ZFP64: variants seen among roughly 807,000 people sequenced by gnomAD.
The protein encoded by ZFP64 is ZFP64 zinc finger protein.
A neutral mutation model predicts 51.6 loss-of-function variants in ZFP64; 14 were observed. That is an observed-to-expected ratio of 0.27 (90% CI 0.18 to 0.42). The LOEUF is 0.42. ZFP64 is among the 10% of genes least tolerant of loss of function. The probability of loss-of-function intolerance (pLI) is 1.00; values close to 1 mark genes in which losing one functional copy is unlikely to be tolerated. For missense variants in ZFP64, 754 were observed against 906.8 expected (o/e 0.83, Z 2.16); for synonymous variants, 375 against 361.4 (o/e 1.04, Z -0.43).
At chr20:52,180,327 G>C (rs531463027) in intron 2 of ZFP64, among the ~76,000 whole-genome samples, 5 of 152,218 alleles carry the variant, frequency 3.3e-5, no homozygotes, top group Admixed American at 3.3e-4. Flanking sequence ...TTCTCTAATT[G>C]ACTTCTTAAT....
chr20:52,187,101 T>C, intron 1 of ZFP64, 30 bp from the exon 2 acceptor site: 2 of 1,585,674 alleles, frequency 1.3e-6, no homozygotes, highest in South Asian at 2.2e-5. Context: ...AGTAACGGAT[T>C]AATTCCAAAC....
intron 5 of ZFP64, chr20:52,105,608 G>C (rs1339106863): frequency 1.2e-5 from 2 of 171,862 alleles, no homozygotes; most frequent in Non-Finnish European, 2.5e-5. Context: ...GAGATCCCCA[G>C]GTGATTCGTT....
At position 52,085,040 on chromosome 20, in the gene ZFP64, G is replaced by C; in HGVS notation, c.1455C>G (p.His485Gln). The change falls in exon 9 of 9, where the codon CAC becomes CAG. Residue 485 changes from histidine to glutamine, a missense_variant. Transcript: ENST00000361387. The surrounding 1 kb of genome is among the most constrained non-coding windows in gnomAD (Gnocchi z 4.3). ...GGTGGTCGGCCTGGTGCAGCCGGCT[G>C]TGCTCCAGGAGGTCAGCCCGGTCCC... The C allele has an allele frequency of 6.2e-7, 1 of 1,614,146 alleles. No individual in the cohort carries two copies. The highest frequency in any genetic ancestry group is 8.5e-7 in the Non-Finnish European group (1 of 1,180,002).
chr20:52,086,321 G>A (rs919977327), intron 8 of ZFP64, among the ~76,000 whole-genome samples: 2 of 152,072 alleles, frequency 1.3e-5, no homozygotes, highest in African/African-American at 2.4e-5. Flanking sequence ...AGTGGATGGC[G>A]TAACCACCCA....
downstream of ZFP64, among the ~76,000 whole-genome samples, chr20:52,150,559 A>C (rs1302009556): frequency 2.0e-5 from 3 of 152,038 alleles, no homozygotes; most frequent in African/African-American, 7.2e-5. Flanking sequence ...CCAAAAACAT[A>C]GTTAATAACT....
chr20:52,089,195 C>A, intron 7 of ZFP64: 1 of 287,374 alleles, frequency 3.5e-6, no homozygotes, highest in Admixed American at 4.8e-5. Flanking sequence ...CCCTTCCAGG[C>A]TGATCATATC....
At chr20:52,097,362 T>G (rs1302229923) in intron 7 of ZFP64, 2 of 1,612,250 alleles carry the variant, frequency 1.2e-6, no homozygotes, top group Admixed American at 1.7e-5. Flanking sequence ...TTGAACAGAA[T>G]GGATACCTAC....
chr20:52,172,933 T>C (rs1982873876), intron 2 of ZFP64, among the ~76,000 whole-genome samples: 1 of 152,214 alleles, frequency 6.6e-6, no homozygotes, highest in African/African-American at 2.4e-5. Context: ...TTATTGTATT[T>C]AGTTCTGGTT....
rs558056342 is a variant in ZFP64, at chr20:52,120,473, G to A, written c.764-21886C>T. On this transcript the variant is annotated intron_variant, in intron 5 of 8. Coordinates refer to the ZFP64 transcript ENST00000361387. ...CCATGTGCGTATACGCCACTTTATC[G>A]CACGTCACAGACACTGTGTGTTTTT... Among the ~76,000 whole-genome samples the A allele has an allele frequency of 5.9e-5, 9 of 152,152 alleles. No homozygotes were observed. In the South Asian group the frequency reaches 8.3e-4, roughly 14 times the overall value.
chr20:52,141,425 C>T (rs1450621337), intron 5 of ZFP64, among the ~76,000 whole-genome samples: 2 of 152,082 alleles, frequency 1.3e-5, no homozygotes, highest in African/African-American at 4.8e-5. Context: ...GAAGATCATT[C>T]ATGATTCTTG....
At chr20:52,124,171 T>G (rs903921318) in intron 5 of ZFP64, among the ~76,000 whole-genome samples, 2 of 141,422 alleles carry the variant, frequency 1.4e-5, no homozygotes, top group African/African-American at 5.2e-5. Flanking sequence ...GAATTCTGAT[T>G]GAAAGATACA....
chr20:52,185,275 C>T (rs1247461788), intron 2 of ZFP64, among the ~76,000 whole-genome samples: 3 of 151,928 alleles, frequency 2.0e-5, no homozygotes, highest in African/African-American at 4.8e-5. Context: ...CCACCCGCCT[C>T]GGCCTCCGAA....
intron 5 of ZFP64, among the ~76,000 whole-genome samples, chr20:52,159,866 T>C (rs558497768): frequency 1.3e-5 from 2 of 152,272 alleles, no homozygotes; most frequent in African/African-American, 4.8e-5. Context: ...AACATGCTTC[T>C]TGGGAGGCTG....
chr20:52,188,601 G>C (rs894302033), intron 1 of ZFP64, among the ~76,000 whole-genome samples: 1 of 149,820 alleles, frequency 6.7e-6, no homozygotes, highest in Non-Finnish European at 1.5e-5. Context: ...ACAGGAGTGA[G>C]CCACCGCACC....
Position 52,127,217 on chromosome 20 carries a change from TG to T in ZFP64, c.764-28631del, listed in dbSNP as rs1979489196. 2.0e-5 allele frequency among the ~76,000 whole-genome samples: 3 copies of T among 152,166 alleles called. No individual in the cohort carries two copies. In the South Asian group the frequency reaches 6.2e-4, roughly 32 times the overall value. On this transcript the variant is annotated intron_variant, in intron 5 of 8. Transcript: ENST00000361387. ...CGCCGGCCTCGGCCTCCCAAAGTGC[TG>T]GGATTACAGTTGTGAGCCACCACGC...
chr20:52,090,032 C>G lies in ZFP64; in HGVS notation c.977-1389G>C, dbSNP rs573148376. On this transcript the variant is annotated intron_variant, in intron 7 of 8. Coordinates refer to the ZFP64 transcript ENST00000361387. Reference sequence around the variant, plus strand: ...ATGGAAGATACAGCTAAAGAATCTCCCAAAAGGACAAGGGGGAAAAGACGC... The same window carrying G: ...ATGGAAGATACAGCTAAAGAATCTCGCAAAAGGACAAGGGGGAAAAGACGC... Among the ~76,000 whole-genome samples, 3 of 152,122 alleles carry G rather than the reference C, an allele frequency of 2.0e-5. No homozygotes were observed. In the South Asian group the frequency reaches 6.2e-4, roughly 32 times the overall value.
chr20:52,115,154 A>C (rs1352994139), intron 5 of ZFP64, among the ~76,000 whole-genome samples: 1 of 150,638 alleles, frequency 6.6e-6, no homozygotes, highest in African/African-American at 2.4e-5. Flanking sequence ...CAGTGAGCCA[A>C]GATCACGCCA....
In ZFP64 at chr20:52,153,382, G is replaced by A; in HGVS notation, c.810C>T (p.Ile270=). ...GCATGTGCCTTTTCAAGTCCGAGCT[G>A]ATTTTGAACTTGGCGCTACAGAGCC... ...QCWLCSAKFK[I]SSDLKRHMRV... is the part of the protein sequence containing the mutation. Residue 270 remains isoleucine (I), a synonymous_variant, in exon 6 of 6, where the codon ATC becomes ATT. Coordinates refer to ENST00000216923, the MANE Select transcript of ZFP64 (RefSeq NM_018197.3). The surrounding 1 kb of genome is among the most constrained non-coding windows in gnomAD (Gnocchi z 5.1). The A allele has an allele frequency of 6.2e-7, 1 of 1,614,208 alleles. No homozygotes were observed. The highest frequency in any genetic ancestry group is 8.5e-7 in the Non-Finnish European group (1 of 1,180,046).
intron 5 of ZFP64, chr20:52,105,072 C>T (rs1470837613): frequency 2.9e-6 from 4 of 1,403,308 alleles, no homozygotes; most frequent in Non-Finnish European, 3.7e-6. Context: ...CGCGCGGGTC[C>T]GGAGAACCTC....
Sources: gnomAD v4.1 joint callset for allele counts (sites outside exome capture counted in the v4.1 genomes callset) on GRCh38, gnomAD v4.1.1 for gene constraint, Gnocchi (gnomAD v3.1) non-coding constraint, MANE v1.5 for transcripts, NCBI Gene and HGNC (gene_info 2026-07-23, HGNC 2026-07-21) for gene names.